Variants in RABEPK observed in about 807,000 individuals in gnomAD.
RABEPK encodes Rab9 effector protein with kelch motifs, also known as 40 kDa Rab9 effector protein.
RABEPK carries 27 observed loss-of-function variants against 34.1 expected under a neutral mutation model. The observed-to-expected ratio is 0.79, with a 90% CI of 0.58 to 1.09. The LOEUF (loss-of-function observed/expected upper bound fraction) is 1.09. Ranked by LOEUF, RABEPK falls within the 50% of genes least tolerant of loss-of-function variation. RABEPK has a pLI of 0.00. For missense variants in RABEPK, 449 were observed against 462.6 expected (o/e 0.97, Z 0.27); for synonymous variants, 172 against 169.2 (o/e 1.02, Z -0.13).
intron 5 of RABEPK, among the ~76,000 whole-genome samples, chr9:125,226,297 A>T (rs1188700455): frequency 6.6e-6 from 1 of 151,890 alleles, no homozygotes; most frequent in Non-Finnish European, 1.5e-5. Context: ...AGCCTGAGCA[A>T]CAGAGCAAAA....
chr9:125,214,105 G>A (rs1384897313), intron 4 of RABEPK, among the ~76,000 whole-genome samples: 2 of 151,632 alleles, frequency 1.3e-5, no homozygotes, highest in East Asian at 3.9e-4. Context: ...CTGGGCGACA[G>A]AGTGAGACTC....
At chr9:125,226,693 G>A (rs139927773) in intron 5 of RABEPK, among the ~76,000 whole-genome samples, 18 of 151,372 alleles carry the variant, frequency 1.2e-4, no homozygotes, top group African/African-American at 3.6e-4. Context: ...GTGATACCGC[G>A]TCTCAATTAA....
intron 3 of RABEPK, among the ~76,000 whole-genome samples, chr9:125,209,871 C>T (rs1226261278): frequency 6.6e-6 from 1 of 152,140 alleles, no homozygotes; most frequent in Non-Finnish European, 1.5e-5. Flanking sequence ...CCTCTGGACT[C>T]GTTCAGGCAC....
intron 4 of RABEPK, 62 bp from the exon 5 acceptor site, chr9:125,220,477 G>C (rs1831245711): frequency 6.5e-7 from 1 of 1,534,886 alleles, no homozygotes; most frequent in Non-Finnish European, 8.8e-7. Flanking sequence ...CTCAGCCCCA[G>C]AGTCAAGGTC....
intron 3 of RABEPK, among the ~76,000 whole-genome samples, chr9:125,209,286 C>T (rs1202934543): frequency 6.7e-6 from 1 of 149,664 alleles, no homozygotes; most frequent in African/African-American, 2.5e-5. Context: ...GTCTTCAAAT[C>T]CTGACCTGGT....
intron 5 of RABEPK, among the ~76,000 whole-genome samples, chr9:125,227,682 CG>C (rs1469829907): frequency 1.3e-5 from 2 of 151,678 alleles, no homozygotes; most frequent in African/African-American, 4.8e-5. Flanking sequence ...CCACCTGTCT[CG>C]GCCTCCCAAA....
chr9:125,222,713 CAAAAAAAAAA>C (rs756826019), intron 5 of RABEPK, among the ~76,000 whole-genome samples: 2 of 48,376 alleles, frequency 4.1e-5, no homozygotes, highest in Non-Finnish European at 3.8e-5. Context: ...GACTCTGTAT[CAAAAAAAAAA>C]AAAAAAAAAA....
chr9:125,211,491 A>G (rs1830590232), intron 3 of RABEPK, among the ~76,000 whole-genome samples: 1 of 152,116 alleles, frequency 6.6e-6, no homozygotes, highest in African/African-American at 2.4e-5. Flanking sequence ...AGAAATCTAC[A>G]TATAAAAATT....
chr9:125,224,454 CTTT>C (rs34504635), intron 5 of RABEPK, among the ~76,000 whole-genome samples: 12 of 124,686 alleles, frequency 9.6e-5, no homozygotes, highest in Non-Finnish European at 8.5e-5. Context: ...TAGGTATTGT[CTTT>C]TTTTTTTTTT....
Position 125,227,896 on chromosome 9 carries a change from A to G in RABEPK, c.527-14A>G. 6.6e-7 allele frequency: 1 copy of G among 1,526,632 alleles called. No homozygotes were observed. The highest frequency in any genetic ancestry group is 8.8e-7 in the Non-Finnish European group (1 of 1,132,424). The allele number at this position is 1,526,632 out of a possible 1,614,324, so 94.6% of individuals were successfully genotyped here. On this transcript the variant is annotated splice_polypyrimidine_tract_variant and intron_variant, in intron 5 of 7. Transcript: ENST00000373538. Reference sequence around the variant, plus strand: ...TAGTTTTGCCATTTGATGTTATTGAATTTACTTTTCTAGACACTCTGACCT... The same window carrying G: ...TAGTTTTGCCATTTGATGTTATTGAGTTTACTTTTCTAGACACTCTGACCT...
intron 2 of RABEPK, among the ~76,000 whole-genome samples, chr9:125,205,332 A>G (rs560036856): frequency 1.8e-4 from 28 of 152,254 alleles, no homozygotes; most frequent in African/African-American, 6.7e-4. Context: ...TCTTTTCCCA[A>G]CTAGTCTGTA....
chr9:125,201,390 G>C (rs1240455038), intron 1 of RABEPK, among the ~76,000 whole-genome samples: 1 of 152,174 alleles, frequency 6.6e-6, no homozygotes, highest in East Asian at 1.9e-4. Context: ...TGAGTTCACG[G>C]GAAAAAAGCT....
rs1490699028 is a variant in RABEPK, at chr9:125,220,700, A to G, written c.526A>G (p.Asn176Asp). The G allele has an allele frequency of 1.2e-6, 2 of 1,613,912 alleles. No individual in the cohort carries two copies. Among genetic ancestry groups the G allele is most frequent in the East Asian group, 2.2e-5 (1 of 44,876 alleles). ...CACGAAGCTGCATGTGTTTGACGCAAGTATGGACTGGTGGGCACCTTGGGG... is the reference window on the plus strand; with the variant it reads ...CACGAAGCTGCATGTGTTTGACGCAGGTATGGACTGGTGGGCACCTTGGGG... ...QDTKLHVFDA[N>D]TLTWSQPETL... Residue 176 changes from asparagine to aspartate, a missense_variant and splice_region_variant, in exon 5 of 8, where the codon AAC becomes GAC. Coordinates refer to ENST00000373538, the MANE Select transcript of RABEPK (RefSeq NM_005833.4).
At chr9:125,233,609 T>C in intron 7 of RABEPK, 79 bp from the exon 8 acceptor site, 1 of 1,462,576 alleles carries the variant, frequency 6.8e-7, no homozygotes, top group Non-Finnish European at 9.4e-7. Flanking sequence ...CCCAAAGTGC[T>C]GGGATTACAG....
At position 125,211,101 on chromosome 9, in the gene RABEPK, G is replaced by C. The variant is rs1385996676; in HGVS notation, c.212-2269G>C. 4.6e-5 allele frequency among the ~76,000 whole-genome samples: 7 copies of C among 151,346 alleles called. No individual in the cohort carries two copies. In the South Asian group the frequency reaches 1.5e-3, roughly 32 times the overall value. ...TAAAAAAAAAAATTAGCCAGGCGTG[G>C]TGGCGGGCGCCTGTAGTCCCAGCTA... On this transcript the variant is annotated intron_variant, in intron 3 of 7. Transcript: ENST00000373538.
At chr9:125,224,121 A>G (rs1169319883) in intron 5 of RABEPK, among the ~76,000 whole-genome samples, 2 of 150,504 alleles carry the variant, frequency 1.3e-5, no homozygotes, top group Non-Finnish European at 3.0e-5. Flanking sequence ...CTTCTCCTGG[A>G]GGAGGCAGAG....
In RABEPK at chr9:125,200,706, C is replaced by A. The variant is rs1177755741; in HGVS notation, c.-207C>A. On this transcript the variant is annotated 5_prime_UTR_variant, in exon 1 of 8. Coordinates refer to ENST00000373538, the MANE Select transcript of RABEPK (RefSeq NM_005833.4). ...GCCGGGTGCAAAGAACGGGGAAGGGCCTTCCCTGGCTCCGTCCCGGCCACT... is the reference window on the plus strand; with the variant it reads ...GCCGGGTGCAAAGAACGGGGAAGGGACTTCCCTGGCTCCGTCCCGGCCACT... 8.5e-6 allele frequency: 4 copies of A among 471,222 alleles called. No homozygotes were observed. Among genetic ancestry groups the A allele is most frequent in the South Asian group, 4.6e-5 (3 of 64,574 alleles). 29.2% of individuals were successfully genotyped at this position (471,222 alleles called of 1,614,324 possible). A position where few individuals can be genotyped will look rare whatever the true frequency, so the allele number is the denominator to read the frequency against.
intron 3 of RABEPK, among the ~76,000 whole-genome samples, chr9:125,209,901 G>T (rs186139138): frequency 2.1e-4 from 32 of 152,168 alleles, no homozygotes; most frequent in Middle Eastern, 3.4e-3. Context: ...CTGTATGTCC[G>T]TAGTCTCATG....
intron 6 of RABEPK, 45 bp downstream of exon 6, chr9:125,228,104 A>G (rs1831898947): frequency 1.6e-6 from 2 of 1,277,106 alleles, no homozygotes; most frequent in Non-Finnish European, 2.0e-6. Context: ...TGTTATTTTT[A>G]TTTATTTATT....
Sources: gnomAD v4.1 joint callset for allele counts (sites outside exome capture counted in the v4.1 genomes callset) on GRCh38, gnomAD v4.1.1 for gene constraint, MANE v1.5 for transcripts, NCBI Gene and HGNC (gene_info 2026-07-23, HGNC 2026-07-21) for gene names.